The following TLL1 variants were observed in gnomAD, a reference collection of about 807,000 sequenced individuals.
TLL1 encodes the protein tolloid-like protein 1.
TLL1 carries 49 observed loss-of-function variants against 128.2 expected under a neutral mutation model. The observed-to-expected ratio is 0.38, with a 90% CI of 0.30 to 0.48. The LOEUF (loss-of-function observed/expected upper bound fraction) is 0.48. Among genes scored for constraint, TLL1 ranks in the 20% least tolerant of loss-of-function variants. TLL1 has a pLI of 0.96. For missense variants in TLL1, 1,123 were observed against 1,242.0 expected (o/e 0.90, Z 1.44); for synonymous variants, 454 against 418.8 (o/e 1.08, Z -1.03).
chr4:165,947,434 G>T (rs1734308506), intron 1 of TLL1, among the ~76,000 whole-genome samples: 1 of 152,046 alleles, frequency 6.6e-6, no homozygotes, highest in South Asian at 2.1e-4. Context: ...GCAGCTTATA[G>T]AAATATGTGA....
At chr4:165,968,173 G>A (rs1452367498) in intron 1 of TLL1, among the ~76,000 whole-genome samples, 3 of 152,094 alleles carry the variant, frequency 2.0e-5, no homozygotes, top group African/African-American at 7.2e-5. Flanking sequence ...TCCAAATTTT[G>A]TTCCCTGAAC....
intron 12 of TLL1, among the ~76,000 whole-genome samples, chr4:166,048,703 T>C (rs1274626332): frequency 6.6e-6 from 1 of 152,212 alleles, no homozygotes; most frequent in Admixed American, 6.5e-5. Flanking sequence ...TTCAAAGGAA[T>C]GTCACCAAAG....
At chr4:166,093,343 G>A (rs563798900) in intron 19 of TLL1, among the ~76,000 whole-genome samples, 4 of 152,258 alleles carry the variant, frequency 2.6e-5, no homozygotes, top group East Asian at 1.9e-4. Flanking sequence ...AAAGGAATCT[G>A]TGTCACAATT....
rs547510886 is a variant in TLL1 at position 166,089,884 on chromosome 4, C to T, written c.2443-1244C>T. Among the ~76,000 whole-genome samples, 7 of 151,968 alleles carry T rather than the reference C, an allele frequency of 4.6e-5. No individual in the cohort carries two copies. In the South Asian group the frequency reaches 1.5e-3, roughly 32 times the overall value. On this transcript the variant is annotated intron_variant, in intron 18 of 20. Transcript: ENST00000061240. The stretch of plus-strand genomic sequence containing the variant: ...GTAACTCCATTCCTTTCTTCTACTC[C>T]CTAGTTAATATGAATTGTTTATTTC...
At position 166,065,751 on chromosome 4, in the gene TLL1, C is replaced by T. The variant is rs777649235; in HGVS notation, c.2076C>T (p.Phe692=). 2 of 1,612,994 alleles carry T rather than the reference C, an allele frequency of 1.2e-6. No homozygotes were observed. The highest frequency in any genetic ancestry group is 2.7e-5 in the African/African-American group (2 of 74,818). ...LSSESKLHGK[F]CGAEVPEVIT... ...CTGAGTCTAAACTGCATGGCAAATT[C>T]TGTGGCGCTGAAGTGCCTGAAGTGA... Residue 692 remains phenylalanine (F), a synonymous_variant, in exon 16 of 21, where the codon TTC becomes TTT. Transcript: ENST00000061240.
chr4:166,086,835 G>A (rs1041345183), intron 18 of TLL1, among the ~76,000 whole-genome samples: 1 of 152,090 alleles, frequency 6.6e-6, no homozygotes, highest in East Asian at 1.9e-4. Context: ...GGCATTAAAT[G>A]TTTGGCAGTC....
chr4:165,895,633 T>TAAAAAAAAAA lies in TLL1; in HGVS notation c.169+21580_169+21589dup, dbSNP rs57920393. Reference sequence around the variant, plus strand: ...CCAAAAAGCTCAGTAAGACTTTTTGTAAAAAAAAAAAAAAAAAAAAAAAAA... The same window carrying TAAAAAAAAAA: ...CCAAAAAGCTCAGTAAGACTTTTTGTAAAAAAAAAAAAAAAAAAAAAAAAAAAAAAAAAAA... On this transcript the variant is annotated intron_variant, in intron 1 of 20. Coordinates refer to ENST00000061240, the MANE Select transcript of TLL1 (RefSeq NM_012464.5). 6.4e-4 allele frequency among the ~76,000 whole-genome samples: 44 copies of TAAAAAAAAAA among 68,438 alleles called. 2 individuals are homozygous for TAAAAAAAAAA. Among genetic ancestry groups the TAAAAAAAAAA allele is most frequent in the African/African-American group, 3.9e-3 (39 of 9,914 alleles). The allele number at this position is 68,438 out of a possible 152,430, so 44.9% of individuals were successfully genotyped here.
intron 1 of TLL1, among the ~76,000 whole-genome samples, chr4:165,918,211 A>C (rs765661680): frequency 6.6e-6 from 1 of 152,124 alleles, no homozygotes; most frequent in Non-Finnish European, 1.5e-5. Context: ...TTGGTCCATC[A>C]TTTGAAATCC....
intron 1 of TLL1, among the ~76,000 whole-genome samples, chr4:165,974,131 A>ATTTTTTT (rs1735759298): frequency 2.0e-4 from 11 of 53,872 alleles, no homozygotes; most frequent in Non-Finnish European, 2.6e-4. Flanking sequence ...CCTGGACCTC[A>ATTTTTTT]TCTTTTTTTT....
intron 12 of TLL1, among the ~76,000 whole-genome samples, chr4:166,052,614 T>C (rs1399303475): frequency 1.3e-5 from 2 of 152,092 alleles, no homozygotes; most frequent in African/African-American, 2.4e-5. Context: ...TTTTTATTAA[T>C]GGACCTTCTA....
intron 1 of TLL1, among the ~76,000 whole-genome samples, chr4:165,920,118 C>A (rs1377501890): frequency 6.6e-6 from 1 of 152,158 alleles, no homozygotes; most frequent in Non-Finnish European, 1.5e-5. Context: ...CCATGCGTCT[C>A]CTGTGAAAAT....
At chr4:166,050,626 A>G (rs913974479) in intron 12 of TLL1, among the ~76,000 whole-genome samples, 5 of 152,158 alleles carry the variant, frequency 3.3e-5, no homozygotes, top group Non-Finnish European at 7.3e-5. Context: ...TGATTTGGAA[A>G]TTTGGTTATC....
intron 9 of TLL1, among the ~76,000 whole-genome samples, chr4:166,026,665 C>A (rs1475071336): frequency 1.3e-5 from 2 of 150,308 alleles, no homozygotes; most frequent in Non-Finnish European, 3.0e-5. Context: ...GCAGCCTGGA[C>A]GATAAGAGCG....
At chr4:165,978,588 T>C (rs970160208) in intron 1 of TLL1, among the ~76,000 whole-genome samples, 3 of 152,202 alleles carry the variant, frequency 2.0e-5, no homozygotes, top group South Asian at 2.1e-4. Flanking sequence ...TTAGGATACA[T>C]TTCAATGAGG....
At chr4:166,027,682 G>A (rs1388798515) in intron 9 of TLL1, among the ~76,000 whole-genome samples, 3 of 152,108 alleles carry the variant, frequency 2.0e-5, no homozygotes, top group African/African-American at 7.2e-5. Context: ...ACACTGAAAA[G>A]TGAACTTTAA....
intron 1 of TLL1, among the ~76,000 whole-genome samples, chr4:165,936,123 A>G (rs1208547147): frequency 2.0e-5 from 3 of 150,658 alleles, no homozygotes; most frequent in African/African-American, 4.9e-5. Context: ...TTTTTAATTT[A>G]TATAATTTTA....
intron 1 of TLL1, among the ~76,000 whole-genome samples, chr4:165,971,375 A>G (rs1384429622): frequency 1.3e-5 from 2 of 152,178 alleles, no homozygotes; most frequent in African/African-American, 4.8e-5. Flanking sequence ...AGGGTGCCCA[A>G]GGGCTTCATT....
At chr4:165,931,575 C>T (rs531652524) in intron 1 of TLL1, among the ~76,000 whole-genome samples, 11 of 151,870 alleles carry the variant, frequency 7.2e-5, no homozygotes, top group Admixed American at 4.6e-4. Context: ...AAAAATTAGC[C>T]GGGTGTGGTG....
chr4:165,904,630 C>A (rs982133795), intron 1 of TLL1, among the ~76,000 whole-genome samples: 1 of 152,072 alleles, frequency 6.6e-6, no homozygotes, highest in African/African-American at 2.4e-5. Context: ...TAATTAATTC[C>A]TTCTTAATTC....
Sources: gnomAD v4.1 joint callset for allele counts (sites outside exome capture counted in the v4.1 genomes callset) on GRCh38, gnomAD v4.1.1 for gene constraint, MANE v1.5 for transcripts, NCBI Gene and HGNC (gene_info 2026-07-23, HGNC 2026-07-21) for gene names.